SRP19: variants seen among roughly 807,000 people sequenced by gnomAD.
SRP19 encodes signal recognition particle 19, also known as signal recognition particle 19 kDa protein.
A neutral mutation model predicts 22.4 loss-of-function variants in SRP19; 11 were observed. The ratio of observed to expected loss-of-function variants is 0.49; its 90% CI spans 0.31 to 0.81. SRP19 has a LOEUF of 0.81. SRP19 is among the 40% of genes least tolerant of loss of function. The pLI is 0.05. For synonymous variants in SRP19, 61 were observed against 57.6 expected (o/e 1.06, Z -0.27); for missense variants, 168 against 175.9 (o/e 0.96, Z 0.25).
chr5:112,867,260 C>A, intron 4 of SRP19, 144 bp from the exon 5 acceptor site: 1 of 881,502 alleles, frequency 1.1e-6, no homozygotes. Context: ...TCAGTGTCTT[C>A]AGTCATTTGA....
rs1261671289 is a variant in SRP19, at chr5:112,881,138, A to AG, written c.302-10465_302-10464insG. 3.0e-4 allele frequency among the ~76,000 whole-genome samples: 46 copies of AG among 151,350 alleles called. 1 individual carries two copies. The South Asian group carries it at 9.6e-3, about 32-fold the overall frequency. On this transcript the variant is annotated intron_variant, in intron 4 of 4. Coordinates refer to the SRP19 transcript ENST00000391338. ...AGTGAGACTCTGTTTCAAAAAAAAA[A>AG]AAAAAAAAAAAAAGCTGGCAATCCT...
downstream of SRP19, chr5:112,893,094 TAAAA>T (rs552226372): frequency 0.018 from 9,091 of 499,300 alleles, 8 homozygotes; most frequent in East Asian, 0.029. Flanking sequence ...GTTTTGTTCT[TAAAA>T]AAAAAAAAAA....
chr5:112,875,407 C>T (rs770153967), intron 4 of SRP19, among the ~76,000 whole-genome samples: 9 of 150,534 alleles, frequency 6.0e-5, no homozygotes, highest in African/African-American at 1.2e-4. Context: ...CTGGCCCTGT[C>T]GCCCAGGCTG....
chr5:112,882,511 G>A (rs1267090887), intron 4 of SRP19, among the ~76,000 whole-genome samples: 2 of 152,196 alleles, frequency 1.3e-5, no homozygotes, highest in Admixed American at 1.3e-4. Flanking sequence ...CTATACCCAT[G>A]TAGCTGAGTA....
intron 2 of SRP19, among the ~76,000 whole-genome samples, chr5:112,863,440 C>T (rs1767480633): frequency 6.6e-6 from 1 of 152,118 alleles, no homozygotes; most frequent in Admixed American, 6.6e-5. Flanking sequence ...TTAAGATGTT[C>T]AGCAGTATCC....
intron 1 of SRP19, 142 bp from the exon 2 acceptor site, chr5:112,862,366 C>G (rs1000020527): frequency 1.4e-6 from 1 of 690,384 alleles, no homozygotes; most frequent in African/African-American, 1.9e-5. Context: ...TCAACTGCCA[C>G]GCAGAAAAAG....
At chr5:112,878,933 A>G in intron 4 of SRP19, 1 of 1,581,336 alleles carries the variant, frequency 6.3e-7, no homozygotes, top group East Asian at 2.2e-5. Context: ...CTAGATAACA[A>G]AACTTGGATG....
chr5:112,883,257 T>C (rs561248819), intron 4 of SRP19, among the ~76,000 whole-genome samples: 65 of 152,214 alleles, frequency 4.3e-4, no homozygotes, highest in Non-Finnish European at 7.8e-4. Flanking sequence ...TCTCATTCTC[T>C]CAAATCCATT....
chr5:112,896,458 G>A (rs2150042198), downstream of SRP19: 1 of 152,196 alleles, frequency 6.6e-6, no homozygotes, highest in East Asian at 1.9e-4. Flanking sequence ...GGGAAGTACA[G>A]GTTGCAGTGA....
downstream of SRP19, chr5:112,895,717 C>G (rs1384187079): frequency 1.3e-5 from 2 of 152,186 alleles, no homozygotes; most frequent in East Asian, 1.9e-4. Flanking sequence ...AGGTGATATT[C>G]AGCTGCCACC....
At position 112,893,031 on chromosome 5, in the gene SRP19, G is replaced by A. The variant is rs539295887; in HGVS notation, c.*1424G>A. On this transcript the variant is annotated 3_prime_UTR_variant, in exon 5 of 5. Coordinates refer to the SRP19 transcript ENST00000391338. ...CTAGGTGCCGAAGTCGTGGGAGGAG[G>A]AAGTCGGGTAATAGAGACAGAACTG... The A allele has an allele frequency of 4.0e-6, 6 of 1,504,088 alleles. No individual in the cohort carries two copies. The African/African-American group carries it at 7.0e-5, about 18-fold the overall frequency. 93.2% of individuals were successfully genotyped at this position (1,504,088 alleles called of 1,614,324 possible).
chr5:112,876,437 A>C (rs1433897768), intron 4 of SRP19: 1 of 152,236 alleles, frequency 6.6e-6, no homozygotes, highest in Non-Finnish European at 1.5e-5. Context: ...TCAGTGTATC[A>C]CATCTTCAGG....
chr5:112,866,031 G>C (rs1441363880), intron 4 of SRP19, among the ~76,000 whole-genome samples: 3 of 152,020 alleles, frequency 2.0e-5, no homozygotes, highest in Non-Finnish European at 4.4e-5. Flanking sequence ...CTGCATGTTT[G>C]AACTTTTATT....
At chr5:112,873,423 C>T (rs1321549069), downstream of SRP19, among the ~76,000 whole-genome samples, 50 of 150,288 alleles carry the variant, frequency 3.3e-4, no homozygotes, top group Admixed American at 2.8e-3. Flanking sequence ...CTCGGCTCAC[C>T]GCAACCTCTG....
chr5:112,895,492 T>C (rs994467911), downstream of SRP19: 8 of 97,016 alleles, frequency 8.2e-5, no homozygotes, highest in African/African-American at 7.3e-4. Flanking sequence ...CTTTTCTGGA[T>C]GAATTAAGTG....
chr5:112,867,466 A>G lies in SRP19; in HGVS notation c.364A>G (p.Thr122Ala). The change falls in exon 5 of 5, where the codon ACA becomes GCA. Residue 122 changes from threonine (T) to alanine (A), a missense_variant. Physicochemically the swap from Thr to Ala is moderately conservative, Grantham distance 58 (BLOSUM62 0). Transcript: ENST00000505459. ...TAAACTAAAAACAAGGACACAAAAA[A>G]CAGGAGGTGCTGACCAAAGTCTTCA... ...IPKLKTRTQK[T>A]GGADQSLQQG... The G allele has an allele frequency of 7.4e-6, 12 of 1,614,074 alleles. No homozygotes were observed. The highest frequency in any genetic ancestry group is 1.1e-5 in the South Asian group (1 of 91,076).
At chr5:112,893,917 G>A (rs945080935), downstream of SRP19, 1 of 151,944 alleles carries the variant, frequency 6.6e-6, no homozygotes, top group African/African-American at 2.4e-5. Flanking sequence ...ATTATAAGAT[G>A]TTGCCAGAGG....
intron 4 of SRP19, chr5:112,886,878 T>C (rs756609132): frequency 3.4e-5 from 20 of 593,974 alleles, no homozygotes; most frequent in Admixed American, 2.1e-4. Context: ...GCAAAGACTT[T>C]GTAAAGAAAT....
intron 4 of SRP19, among the ~76,000 whole-genome samples, chr5:112,875,838 A>T (rs1268630242): frequency 1.3e-5 from 2 of 151,818 alleles, no homozygotes; most frequent in African/African-American, 2.4e-5. Flanking sequence ...TGAGGTCAGG[A>T]GATCGAGACC....
Sources: allele counts gnomAD v4.1 joint callset (sites outside exome capture counted in the v4.1 genomes callset), GRCh38; gene constraint gnomAD v4.1.1; transcripts MANE v1.5; gene names NCBI Gene and HGNC (gene_info 2026-07-23, HGNC 2026-07-21).